CSMD1: variants seen among roughly 807,000 people sequenced by gnomAD.
CSMD1 encodes CUB and sushi domain-containing protein 1.
A neutral mutation model predicts 417.5 loss-of-function variants in CSMD1; 213 were observed. The ratio of observed to expected loss-of-function variants is 0.51; its 90% CI spans 0.46 to 0.57. The LOEUF (loss-of-function observed/expected upper bound fraction) is 0.57, where lower values mean the gene tolerates loss of function less well. Ranked by LOEUF, CSMD1 falls within the 20% of genes least tolerant of loss-of-function variation. The pLI, the probability that CSMD1 is intolerant of heterozygous loss-of-function variation, is 0.00. For missense variants in CSMD1, 6,923 were observed against 4,529.7 expected, an observed-to-expected ratio of 1.53 and a Z score of -15.17; for synonymous variants, 2,862 against 1,736.8, an observed-to-expected ratio of 1.65 and a Z score of -16.11.
intron 11 of CSMD1, among the ~76,000 whole-genome samples, chr8:3,476,529 C>T (rs1204133182): frequency 3.9e-5 from 6 of 152,100 alleles, no homozygotes; most frequent in East Asian, 3.9e-4. Flanking sequence ...TCCAGAATGG[C>T]GGTACCACTT....
intron 12 of CSMD1, among the ~76,000 whole-genome samples, chr8:3,465,705 A>G (rs1260859454): frequency 2.6e-5 from 4 of 152,182 alleles, no homozygotes; most frequent in African/African-American, 7.2e-5. Context: ...AAGGGTTGAC[A>G]TGGGTGGCCT....
Position 2,942,554 on chromosome 8 carries a change from T to A in CSMD1, c.10453A>T (p.Ser3485Cys). 1 of 1,608,086 alleles carries A rather than the reference T, an allele frequency of 6.2e-7. No homozygotes were observed. The highest frequency in any genetic ancestry group is 8.5e-7 in the Non-Finnish European group (1 of 1,176,398). ...DSSSHYHGTS[S>C]GSVAAAILVP... ...AGAATGGCAGCCGCCACAGAGCCAC[T>A]GCTGGTGCCGTGGTAATGACTGGAA... The change falls in exon 69 of 70, where the codon AGT becomes TGT. Residue 3485 changes from serine (S) to cysteine (C), a missense_variant. Transcript: ENST00000635120.
intron 1 of CSMD1, among the ~76,000 whole-genome samples, chr8:4,959,340 T>C (rs1317788683): frequency 6.6e-6 from 1 of 152,236 alleles, no homozygotes. Context: ...AACATGTACC[T>C]GGTGTTCCCC....
chr8:4,292,588 C>A (rs1339138107), intron 3 of CSMD1, among the ~76,000 whole-genome samples: 2 of 152,106 alleles, frequency 1.3e-5, no homozygotes, highest in Admixed American at 6.5e-5. Context: ...TTTATAACAA[C>A]CCACTATAAG....
chr8:4,718,753 TAAAAG>T (rs1040958504), intron 1 of CSMD1, among the ~76,000 whole-genome samples: 4 of 151,968 alleles, frequency 2.6e-5, no homozygotes, highest in African/African-American at 7.2e-5. Context: ...ACCAATTTTA[TAAAAG>T]AAAATACTCT....
chr8:4,394,958 G>A lies in CSMD1; in HGVS notation c.415+24995C>T, dbSNP rs979471868. 4.6e-5 allele frequency among the ~76,000 whole-genome samples: 7 copies of A among 152,274 alleles called. No homozygotes were observed. In the South Asian group the frequency reaches 1.0e-3, roughly 23 times the overall value. ...CTCACAGCTCAAGAAGTTAAGAAAGGGAAGAGTTAATTCACAGTTAAGAAA... is the reference window on the plus strand; with the variant it reads ...CTCACAGCTCAAGAAGTTAAGAAAGAGAAGAGTTAATTCACAGTTAAGAAA... On this transcript the variant is annotated intron_variant, in intron 3 of 69. Coordinates refer to ENST00000635120, the MANE Select transcript of CSMD1 (RefSeq NM_033225.6).
chr8:3,782,339 A>G (rs963648172), intron 5 of CSMD1, among the ~76,000 whole-genome samples: 1 of 152,212 alleles, frequency 6.6e-6, no homozygotes, highest in African/African-American at 2.4e-5. Flanking sequence ...CTATAGGAAA[A>G]TGTTCAAAAA....
At chr8:4,298,610 A>C (rs1267393422) in intron 3 of CSMD1, among the ~76,000 whole-genome samples, 1 of 152,140 alleles carries the variant, frequency 6.6e-6, no homozygotes, top group Non-Finnish European at 1.5e-5. Flanking sequence ...TTTAATGTTA[A>C]CCATATGCAA....
At chr8:3,185,767 C>A (rs986758204) in intron 36 of CSMD1, among the ~76,000 whole-genome samples, 1 of 152,160 alleles carries the variant, frequency 6.6e-6, no homozygotes, top group Non-Finnish European at 1.5e-5. Context: ...AATTCATAAA[C>A]TGTGAGGTAG....
intron 5 of CSMD1, among the ~76,000 whole-genome samples, chr8:3,820,865 A>C: frequency 6.6e-6 from 1 of 151,810 alleles, no homozygotes; most frequent in East Asian, 2.0e-4. Flanking sequence ...ATTATAGGTC[A>C]CAATGCCTTC....
chr8:4,764,108 A>T (rs1290491776), intron 1 of CSMD1, among the ~76,000 whole-genome samples: 1 of 152,202 alleles, frequency 6.6e-6, no homozygotes, highest in Non-Finnish European at 1.5e-5. Context: ...CCAGAGAGGT[A>T]ATCTACTTTA....
intron 5 of CSMD1, among the ~76,000 whole-genome samples, chr8:3,772,413 TTATATATACACATATATA>T (rs1798639165): frequency 1.1e-5 from 1 of 91,696 alleles, no homozygotes; most frequent in Non-Finnish European, 2.2e-5. Context: ...ATACATATAT[TTATATATACACATATATA>T]CATACATTTA....
intron 1 of CSMD1, among the ~76,000 whole-genome samples, chr8:4,874,579 TG>T (rs1802930886): frequency 6.6e-6 from 1 of 151,632 alleles, no homozygotes; most frequent in South Asian, 2.1e-4. Context: ...TTAGTAAAGA[TG>T]GGGTTTCACT....
At chr8:4,608,424 T>C (rs1050163337) in intron 2 of CSMD1, among the ~76,000 whole-genome samples, 5 of 152,142 alleles carry the variant, frequency 3.3e-5, no homozygotes, top group Non-Finnish European at 7.4e-5. Context: ...ATCTTGAAAG[T>C]GGACTTGACA....
intron 1 of CSMD1, among the ~76,000 whole-genome samples, chr8:4,642,142 C>T (rs1417983346): frequency 6.6e-6 from 1 of 152,192 alleles, no homozygotes; most frequent in Non-Finnish European, 1.5e-5. Flanking sequence ...GCAAGATGGG[C>T]AAGTGCTCGG....
intron 12 of CSMD1, among the ~76,000 whole-genome samples, chr8:3,450,153 G>C (rs1487843391): frequency 6.6e-6 from 1 of 152,114 alleles, no homozygotes; most frequent in Non-Finnish European, 1.5e-5. Flanking sequence ...GACGAACGTT[G>C]ACTGTGGGTC....
At chr8:4,301,168 C>T (rs542734451) in intron 3 of CSMD1, among the ~76,000 whole-genome samples, 41 of 152,204 alleles carry the variant, frequency 2.7e-4, no homozygotes, top group Non-Finnish European at 4.4e-4. Context: ...TGGAAAAGAA[C>T]GCTCTGGGGC....
At chr8:4,634,114 T>C (rs1213367104) in intron 2 of CSMD1, among the ~76,000 whole-genome samples, 1 of 152,120 alleles carries the variant, frequency 6.6e-6, no homozygotes, top group East Asian at 1.9e-4. Context: ...AGGTCTCATT[T>C]CAGCTCTCAA....
chr8:3,903,591 T>C lies in CSMD1; in HGVS notation c.818+94312A>G, dbSNP rs561806820. Among the ~76,000 whole-genome samples the C allele has an allele frequency of 1.5e-4, 23 of 152,288 alleles. No homozygotes were observed. The South Asian group carries it at 3.9e-3, about 26-fold the overall frequency. ...GAATATTACGGTGCCTTTTTCTTCA[T>C]ACTTAGTTCACTACTCTATTTGGCA... On this transcript the variant is annotated intron_variant, in intron 5 of 69. Coordinates refer to ENST00000635120, the MANE Select transcript of CSMD1 (RefSeq NM_033225.6).
Sources: gnomAD v4.1 joint callset for allele counts (sites outside exome capture counted in the v4.1 genomes callset) on GRCh38, gnomAD v4.1.1 for gene constraint, MANE v1.5 for transcripts, NCBI Gene and HGNC (gene_info 2026-07-23, HGNC 2026-07-21) for gene names.